DCAF8L2: variants seen among roughly 807,000 people sequenced by gnomAD.
The protein encoded by DCAF8L2 is DDB1 and CUL4 associated factor 8 like 2, also known as DDB1- and CUL4-associated factor 8-like protein 2.
For missense variants in DCAF8L2, 430 were observed against 490.7 expected, an observed-to-expected ratio of 0.88 and a Z score of 1.17; for synonymous variants, 200 against 190.9, an observed-to-expected ratio of 1.05 and a Z score of -0.39.
intron 2 of DCAF8L2, among the ~76,000 whole-genome samples, chrX:27,652,062 T>C (rs1929174806): frequency 9.1e-6 from 1 of 110,337 alleles, no homozygotes; most frequent in African/African-American, 3.3e-5. Context: ...TATTAATTTA[T>C]ATTTAAGTAT....
the DCAF8L2 span, among the ~76,000 whole-genome samples, chrX:27,553,555 A>G: frequency 3.6e-5 from 4 of 110,261 alleles, no homozygotes; most frequent in African/African-American, 1.3e-4. Context: ...TGTTTATCTG[A>G]TATCAGTACA....
chrX:27,475,975 A>G, the DCAF8L2 span, among the ~76,000 whole-genome samples: 1 of 111,299 alleles, frequency 9.0e-6, no homozygotes, highest in African/African-American at 3.3e-5. Flanking sequence ...AAGGGAAACA[A>G]TTAAGCACAT....
Position 27,668,303 on chromosome X carries a change from C to T in DCAF8L2, c.-219-9533C>T, listed in dbSNP as rs766074114. On this transcript the variant is annotated intron_variant, in intron 2 of 4. Transcript: ENST00000451261. ...CAGTGTGGTTTTTCAAAAACAGACT[C>T]GAAGATGAGGATTCGTATGAAAGTG... Among the ~76,000 whole-genome samples, 8 of 111,626 alleles carry T rather than the reference C, an allele frequency of 7.2e-5. 1 individual carries two copies. The South Asian group carries it at 1.5e-3, about 21-fold the overall frequency.
the DCAF8L2 span, among the ~76,000 whole-genome samples, chrX:27,485,945 T>A: frequency 0.061 from 5,737 of 93,846 alleles, 556 homozygotes; most frequent in African/African-American, 0.23. Flanking sequence ...TTTTTTTTTT[T>A]GTGGTAGAAA....
rs778815167 is a variant in DCAF8L2, at chrX:27,747,671, G to A, written c.776G>A (p.Arg259Gln). ...DLKVIVWDWV[R>Q]QRPVLNFESG... is the part of the protein sequence containing the mutation. ...AAGGTGATAGTGTGGGACTGGGTGCGGCAGAGGCCAGTACTGAACTTTGAA... is the reference window on the plus strand; with the variant it reads ...AAGGTGATAGTGTGGGACTGGGTGCAGCAGAGGCCAGTACTGAACTTTGAA... Residue 259 changes from arginine to glutamine, a missense_variant, in exon 5 of 5, where the codon CGG becomes CAG. Transcript: ENST00000451261. The A allele has an allele frequency of 8.3e-7, 1 of 1,210,507 alleles. No homozygotes were observed. The highest frequency in any genetic ancestry group is 1.1e-6 in the Non-Finnish European group (1 of 894,745).
At position 27,635,957 on chromosome X, in the gene DCAF8L2, G is replaced by A. The variant is rs987258729; in HGVS notation, c.-220+3957G>A. 6.4e-5 allele frequency among the ~76,000 whole-genome samples: 7 copies of A among 109,306 alleles called. No homozygotes were observed. The East Asian group carries it at 8.6e-4, about 13-fold the overall frequency. 94.9% of individuals were successfully genotyped at this position (109,306 alleles called of 115,157 possible). ...CTCCCAAGTAGCTGGGATTACAGGC[G>A]CCTGCCACCACGCCCAGCTAATTTT... On this transcript the variant is annotated intron_variant, in intron 2 of 4. Coordinates refer to ENST00000451261, the MANE Select transcript of DCAF8L2 (RefSeq NM_001353450.2).
the DCAF8L2 span, among the ~76,000 whole-genome samples, chrX:27,496,283 T>A: frequency 1.8e-5 from 2 of 112,125 alleles, no homozygotes; most frequent in Non-Finnish European, 3.8e-5. Context: ...TTTGCTCATG[T>A]TGAATGTATA....
At chrX:27,511,587 A>G in the DCAF8L2 span, among the ~76,000 whole-genome samples, 1 of 112,352 alleles carries the variant, frequency 8.9e-6, no homozygotes, top group Non-Finnish European at 1.9e-5. Flanking sequence ...CTAAACATAA[A>G]CTATGTGTTC....
chrX:27,550,610 T>C, the DCAF8L2 span, among the ~76,000 whole-genome samples: 76 of 111,465 alleles, frequency 6.8e-4, no homozygotes, highest in African/African-American at 2.3e-3. Context: ...TACCATGTAA[T>C]AGAACACTAG....
the DCAF8L2 span, among the ~76,000 whole-genome samples, chrX:27,551,275 A>G: frequency 0.02 from 2,200 of 109,976 alleles, 49 homozygotes; most frequent in African/African-American, 0.066. Context: ...AGCCACCCCA[A>G]CCTTCAGCAA....
At chrX:27,545,802 T>G in the DCAF8L2 span, among the ~76,000 whole-genome samples, 1 of 111,777 alleles carries the variant, frequency 8.9e-6, no homozygotes, top group Admixed American at 9.5e-5. Context: ...CAAGCACATC[T>G]TATATGGGAG....
chrX:27,567,823 C>G, the DCAF8L2 span, among the ~76,000 whole-genome samples: 1 of 108,054 alleles, frequency 9.3e-6, no homozygotes, highest in African/African-American at 3.4e-5. Context: ...GACAGGGAGA[C>G]AGAACAATAG....
At chrX:27,627,870 G>A (rs1204564073) in intron 1 of DCAF8L2, among the ~76,000 whole-genome samples, 2 of 107,771 alleles carry the variant, frequency 1.9e-5, no homozygotes, top group African/African-American at 6.8e-5. Flanking sequence ...CTCTAGTCTG[G>A]TGACAGAGCA....
At chrX:27,545,026 G>A in the DCAF8L2 span, among the ~76,000 whole-genome samples, 1 of 112,113 alleles carries the variant, frequency 8.9e-6, no homozygotes, top group Non-Finnish European at 1.9e-5. Context: ...TAAAATCTCT[G>A]TCTCAGCACA....
At chrX:27,584,938 T>C in the DCAF8L2 span, among the ~76,000 whole-genome samples, 1 of 111,554 alleles carries the variant, frequency 9.0e-6, no homozygotes, top group Non-Finnish European at 1.9e-5. Context: ...TCAAGGATAG[T>C]GATAAACTTA....
At chrX:27,545,795 G>T in the DCAF8L2 span, among the ~76,000 whole-genome samples, 1 of 111,998 alleles carries the variant, frequency 8.9e-6, no homozygotes, top group African/African-American at 3.2e-5. Context: ...GGGGAAGCAA[G>T]CACATCTTAT....
rs758710373 is a variant in DCAF8L2 at position 27,605,342 on chromosome X, TCTAA to T, written c.-342+14906_-342+14909del. On this transcript the variant is annotated intron_variant, in intron 1 of 4. Transcript: ENST00000451261. ...TTGGGCTTAAATGAAAATTTTCAGC[TCTAA>T]CTATGTGAAGGCACTAAATTGAAGA... Among the ~76,000 whole-genome samples, 39 of 111,909 alleles carry T rather than the reference TCTAA, an allele frequency of 3.5e-4. No individual in the cohort carries two copies. In the East Asian group the frequency reaches 8.1e-3, roughly 23 times the overall value.
At chrX:27,564,298 A>G in the DCAF8L2 span, among the ~76,000 whole-genome samples, 3 of 111,242 alleles carry the variant, frequency 2.7e-5, no homozygotes, top group Non-Finnish European at 5.7e-5. Context: ...CCATGATTCA[A>G]TTACTTCCCA....
chrX:27,642,310 T>C (rs1457430065), intron 2 of DCAF8L2, among the ~76,000 whole-genome samples: 2 of 111,313 alleles, frequency 1.8e-5, no homozygotes, highest in South Asian at 7.6e-4. Context: ...TAGATCTAAT[T>C]TTGCCTCTCA....
Sources: allele counts gnomAD v4.1 joint callset (sites outside exome capture counted in the v4.1 genomes callset), GRCh38; gene constraint gnomAD v4.1.1; transcripts MANE v1.5; gene names NCBI Gene and HGNC (gene_info 2026-07-23, HGNC 2026-07-21).